The following TENM4 variants were observed in gnomAD, a reference collection of about 807,000 sequenced individuals.
TENM4 encodes teneurin transmembrane protein 4, also known as teneurin-4.
A neutral mutation model predicts 243.3 loss-of-function variants in TENM4; 82 were observed. That is an observed-to-expected ratio of 0.34 (90% CI 0.28 to 0.40). The LOEUF (loss-of-function observed/expected upper bound fraction) is 0.40. Ranked by LOEUF, TENM4 falls within the 10% of genes least tolerant of loss-of-function variation. The probability of loss-of-function intolerance (pLI) is 1.00; values close to 1 mark genes in which losing one functional copy is unlikely to be tolerated. For missense variants in TENM4, 3,138 were observed against 3,673.3 expected, an observed-to-expected ratio of 0.85 and a Z score of 3.77; for synonymous variants, 1,412 against 1,456.3, an observed-to-expected ratio of 0.97 and a Z score of 0.69.
At chr11:78,957,264 T>C (rs1857225101) in intron 6 of TENM4, among the ~76,000 whole-genome samples, 1 of 152,094 alleles carries the variant, frequency 6.6e-6, no homozygotes, top group South Asian at 2.1e-4. Context: ...CCCTCAGAAC[T>C]AGGTAAAGAA....
At chr11:78,868,222 G>C (rs1439116810) in intron 9 of TENM4, among the ~76,000 whole-genome samples, 5 of 152,062 alleles carry the variant, frequency 3.3e-5, no homozygotes. Flanking sequence ...TCTGTGTTAC[G>C]TCACAGGATT....
intron 4 of TENM4, among the ~76,000 whole-genome samples, chr11:79,129,851 C>G (rs545511737): frequency 6.6e-6 from 1 of 152,134 alleles, no homozygotes; most frequent in Non-Finnish European, 1.5e-5. Flanking sequence ...TCTAGAGCCC[C>G]ACCCACCGCT....
At chr11:79,218,134 A>T (rs1781128322) in intron 2 of TENM4, among the ~76,000 whole-genome samples, 1 of 152,198 alleles carries the variant, frequency 6.6e-6, no homozygotes, top group Non-Finnish European at 1.5e-5. Context: ...ACTAATTAGG[A>T]TATGACTATC....
chr11:79,352,874 G>A (rs566713252), intron 1 of TENM4, among the ~76,000 whole-genome samples: 1 of 152,092 alleles, frequency 6.6e-6, no homozygotes, highest in South Asian at 2.1e-4. Flanking sequence ...TCTTTCTTAA[G>A]AAGTAGAAAA....
intron 2 of TENM4, among the ~76,000 whole-genome samples, chr11:79,292,022 C>A (rs1264829072): frequency 6.6e-6 from 1 of 152,176 alleles, no homozygotes; most frequent in Non-Finnish European, 1.5e-5. Flanking sequence ...CCCTCTCTTT[C>A]CCAGCTCATA....
chr11:79,346,989 C>T (rs1857336393), intron 1 of TENM4, among the ~76,000 whole-genome samples: 1 of 152,206 alleles, frequency 6.6e-6, no homozygotes, highest in African/African-American at 2.4e-5. Context: ...GCCTCCATTA[C>T]CACACAGGTC....
At chr11:79,133,672 C>T (rs566240654) in intron 4 of TENM4, among the ~76,000 whole-genome samples, 1 of 152,172 alleles carries the variant, frequency 6.6e-6, no homozygotes, top group Admixed American at 6.5e-5. Flanking sequence ...GTGGGTTTCA[C>T]ACCAGGGATG....
intron 1 of TENM4, among the ~76,000 whole-genome samples, chr11:79,302,360 T>G (rs1430132672): frequency 1.3e-5 from 2 of 152,150 alleles, no homozygotes; most frequent in Non-Finnish European, 2.9e-5. Flanking sequence ...TACACTAGGG[T>G]GAAAGTATCT....
intron 2 of TENM4, among the ~76,000 whole-genome samples, chr11:79,253,563 C>T (rs73510653): frequency 0.013 from 2,044 of 152,284 alleles, 45 homozygotes; most frequent in African/African-American, 0.047. Context: ...AGCTGATCCG[C>T]GTCTTAGTGC....
At chr11:78,709,457 G>A (rs2135794893) in intron 26 of TENM4, among the ~76,000 whole-genome samples, 1 of 152,246 alleles carries the variant, frequency 6.6e-6, no homozygotes, top group African/African-American at 2.4e-5. Flanking sequence ...GTCTCACCCT[G>A]TTAACTTTCT....
At chr11:78,832,821 AC>A (rs1290722213) in intron 12 of TENM4, among the ~76,000 whole-genome samples, 1 of 152,228 alleles carries the variant, frequency 6.6e-6, no homozygotes, top group African/African-American at 2.4e-5. Context: ...TATCCTCTGA[AC>A]CCGTACAACA....
At chr11:79,188,442 C>T (rs1863416161) in intron 3 of TENM4, among the ~76,000 whole-genome samples, 1 of 151,738 alleles carries the variant, frequency 6.6e-6, no homozygotes, top group Non-Finnish European at 1.5e-5. Flanking sequence ...AGCTTATGAA[C>T]CCTAGAGTAG....
rs560321265 is a variant in TENM4 at position 79,341,449 on chromosome 11, ACTAGATCC to A, written c.-320-43914_-320-43907del. 2.0e-5 allele frequency among the ~76,000 whole-genome samples: 3 copies of A among 152,336 alleles called. No homozygotes were observed. The East Asian group carries it at 5.8e-4, about 29-fold the overall frequency. On this transcript the variant is annotated intron_variant, in intron 1 of 33. Transcript: ENST00000278550. ...CTTACTGCAATGCAGCTGGGCAGGTACTAGATCCCCAGTTTACAGAGGAGGAAAGTGAA... is the reference window on the plus strand; with the variant it reads ...CTTACTGCAATGCAGCTGGGCAGGTACCAGTTTACAGAGGAGGAAAGTGAA...
chr11:79,378,365 G>A (rs1857933780), intron 1 of TENM4, among the ~76,000 whole-genome samples: 1 of 152,244 alleles, frequency 6.6e-6, no homozygotes, highest in Non-Finnish European at 1.5e-5. Flanking sequence ...GCTCCTGACA[G>A]GGCAACTGGG....
chr11:78,865,505 T>G (rs1858948199), intron 9 of TENM4, among the ~76,000 whole-genome samples: 1 of 152,194 alleles, frequency 6.6e-6, no homozygotes, highest in Admixed American at 6.5e-5. Flanking sequence ...AGTCTCTTTT[T>G]AGGCAGTAAC....
At position 78,812,111 on chromosome 11, in the gene TENM4, G is replaced by T; in HGVS notation, c.1978+11C>A. On this transcript the variant is annotated intron_variant, in intron 14 of 33. Coordinates refer to ENST00000278550, the MANE Select transcript of TENM4 (RefSeq NM_001098816.3). ...GAGGAAGGTGCCGGAGCTGCCACCT[G>T]CAACTCTTACCTTCCTCACAGCTCT... 6.5e-7 allele frequency: 1 copy of T among 1,547,038 alleles called. No homozygotes were observed. Among genetic ancestry groups the T allele is most frequent in the Non-Finnish European group, 8.7e-7 (1 of 1,144,124 alleles).
At chr11:79,302,495 A>C (rs180997224) in intron 1 of TENM4, among the ~76,000 whole-genome samples, 1 of 152,362 alleles carries the variant, frequency 6.6e-6, no homozygotes, top group African/African-American at 2.4e-5. Context: ...CTAATATAGT[A>C]TACCAAATTA....
intron 6 of TENM4, among the ~76,000 whole-genome samples, chr11:78,912,181 A>C (rs1016867793): frequency 2.6e-5 from 4 of 152,192 alleles, no homozygotes; most frequent in Non-Finnish European, 5.9e-5. Flanking sequence ...ATGGACCACA[A>C]AGAGAGATGA....
In TENM4 at chr11:79,156,373, G is replaced by A. The variant is rs574979130; in HGVS notation, c.-162-7567C>T. Among the ~76,000 whole-genome samples, 331 of 152,350 alleles carry A rather than the reference G, an allele frequency of 2.2e-3. 23 individuals carry two copies. The highest frequency in any genetic ancestry group is 1.6e-3 in the Non-Finnish European group (111 of 68,028). ...TTCCTCTCTGGTCCCTGTTCACGTT[G>A]TGTGTAACGCATACCCCACCAGGGA... On this transcript the variant is annotated intron_variant, in intron 3 of 33. Transcript: ENST00000278550.
Sources: allele counts gnomAD v4.1 joint callset (sites outside exome capture counted in the v4.1 genomes callset), GRCh38; gene constraint gnomAD v4.1.1; transcripts MANE v1.5; gene names NCBI Gene and HGNC (gene_info 2026-07-23, HGNC 2026-07-21).